The following PRKG1 variants were observed in gnomAD, a reference collection of about 807,000 sequenced individuals.
The protein encoded by PRKG1 is cGMP-dependent protein kinase 1.
PRKG1 carries 35 observed loss-of-function variants against 88.1 expected under a neutral mutation model. The observed-to-expected ratio is 0.40, with a 90% CI of 0.30 to 0.53. The LOEUF is 0.53. Among genes scored for constraint, PRKG1 ranks in the 20% least tolerant of loss-of-function variants. The pLI is 0.59. For missense variants in PRKG1, 540 were observed against 839.8 expected (o/e 0.64, Z 4.41); for synonymous variants, 303 against 292.5 (o/e 1.04, Z -0.37).
chr10:51,109,397 T>A (rs1162263283), intron 1 of PRKG1, among the ~76,000 whole-genome samples: 1 of 151,948 alleles, frequency 6.6e-6, no homozygotes, highest in African/African-American at 2.4e-5. Flanking sequence ...TGGAACAAAA[T>A]AGAGAGTCCA....
chr10:52,124,596 C>A (rs1395646941), intron 7 of PRKG1, among the ~76,000 whole-genome samples: 1 of 152,066 alleles, frequency 6.6e-6, no homozygotes, highest in Non-Finnish European at 1.5e-5. Context: ...AAACACTGGA[C>A]ACTTAGTCTA....
At chr10:51,845,186 C>T (rs759751990) in intron 4 of PRKG1, among the ~76,000 whole-genome samples, 25 of 152,204 alleles carry the variant, frequency 1.6e-4, no homozygotes, top group African/African-American at 2.2e-4. Flanking sequence ...CCCAAGATAA[C>T]GTATGCTTTC....
intron 3 of PRKG1, among the ~76,000 whole-genome samples, chr10:51,561,619 G>A (rs530011657): frequency 6.6e-6 from 1 of 151,922 alleles, no homozygotes; most frequent in Admixed American, 6.6e-5. Flanking sequence ...ATCGATACAG[G>A]TTTAAAGGAG....
At chr10:51,520,445 G>A (rs1472179127) in intron 3 of PRKG1, among the ~76,000 whole-genome samples, 1 of 151,676 alleles carries the variant, frequency 6.6e-6, no homozygotes. Flanking sequence ...ATCAACATGG[G>A]AGAAACAATC....
intron 3 of PRKG1, chr10:51,699,686 T>A: frequency 2.1e-6 from 2 of 964,756 alleles, no homozygotes; most frequent in Non-Finnish European, 3.1e-6. Flanking sequence ...ATCGTTCCGC[T>A]TGCCTGTGGA....
At chr10:51,869,484 G>A (rs562139889) in intron 4 of PRKG1, among the ~76,000 whole-genome samples, 2 of 152,104 alleles carry the variant, frequency 1.3e-5, no homozygotes, top group Non-Finnish European at 2.9e-5. Context: ...AAAATGGAAA[G>A]TACCAAAATC....
rs534599157 is a variant in PRKG1, at chr10:51,527,803, G to A, written c.592+59967G>A. On this transcript the variant is annotated intron_variant, in intron 3 of 17. Transcript: ENST00000373980. Reference sequence around the variant, plus strand: ...TCTCTAAGAAGAGTTATTTCTGTTTGAAAGAGGTCTTTAAGCTTGTATTTC... The same window carrying A: ...TCTCTAAGAAGAGTTATTTCTGTTTAAAAGAGGTCTTTAAGCTTGTATTTC... Among the ~76,000 whole-genome samples, 19 of 152,286 alleles carry A rather than the reference G, an allele frequency of 1.2e-4. No homozygotes were observed. The South Asian group carries it at 3.5e-3, about 28-fold the overall frequency.
At chr10:51,953,510 G>A (rs1428291713) in intron 5 of PRKG1, among the ~76,000 whole-genome samples, 2 of 152,150 alleles carry the variant, frequency 1.3e-5, no homozygotes, top group Non-Finnish European at 2.9e-5. Flanking sequence ...CTCCAAGGCT[G>A]TTAATTGAGT....
rs571478912 is a variant in PRKG1, at chr10:51,454,785, C to T, written c.479-12938C>T. Among the ~76,000 whole-genome samples the T allele has an allele frequency of 3.3e-5, 5 of 152,302 alleles. No individual in the cohort carries two copies. The East Asian group carries it at 9.7e-4, about 29-fold the overall frequency. ...AAAATCACCACCATGATTCAGTTATCTCCCACTGGGTCCCTCACATAACAT... is the reference window on the plus strand; with the variant it reads ...AAAATCACCACCATGATTCAGTTATTTCCCACTGGGTCCCTCACATAACAT... On this transcript the variant is annotated intron_variant, in intron 2 of 17. Coordinates refer to ENST00000373980, the MANE Select transcript of PRKG1 (RefSeq NM_006258.4).
chr10:52,284,505 G>T (rs145877156), intron 14 of PRKG1, among the ~76,000 whole-genome samples: 8 of 150,444 alleles, frequency 5.3e-5, no homozygotes, highest in African/African-American at 1.7e-4. Flanking sequence ...GGGTGGGGGT[G>T]GGAGAAGGCA....
intron 3 of PRKG1, among the ~76,000 whole-genome samples, chr10:51,546,152 T>C (rs528149246): frequency 9.2e-5 from 14 of 152,244 alleles, no homozygotes; most frequent in African/African-American, 3.1e-4. Context: ...TAAAGTATAA[T>C]TATGCTTATG....
intron 7 of PRKG1, among the ~76,000 whole-genome samples, chr10:52,089,377 A>T (rs1846994605): frequency 6.6e-6 from 1 of 152,206 alleles, no homozygotes; most frequent in Non-Finnish European, 1.5e-5. Context: ...GGCCATTCTC[A>T]GCAACAAATT....
rs148154856 is a variant in PRKG1 at position 51,571,759 on chromosome 10, G to A, written c.592+103923G>A. Among the ~76,000 whole-genome samples, 446 of 151,994 alleles carry A rather than the reference G, an allele frequency of 2.9e-3. 1 individual carries two copies. Among genetic ancestry groups the A allele is most frequent in the Non-Finnish European group, 5.3e-3 (360 of 67,876 alleles). Reference sequence around the variant, plus strand: ...ACAAAGATTATAGTTCATAATGGGGGAGGATTTCTTACTTTCTGTTTGGCA... The same window carrying A: ...ACAAAGATTATAGTTCATAATGGGGAAGGATTTCTTACTTTCTGTTTGGCA... On this transcript the variant is annotated intron_variant, in intron 3 of 17. Transcript: ENST00000373980.
chr10:51,331,325 C>T (rs1300129175), intron 2 of PRKG1, among the ~76,000 whole-genome samples: 1 of 152,072 alleles, frequency 6.6e-6, no homozygotes, highest in Non-Finnish European at 1.5e-5. Context: ...GTGGTGCAAG[C>T]TGGAGACTGG....
At chr10:51,139,703 T>C (rs1205269045) in intron 1 of PRKG1, among the ~76,000 whole-genome samples, 8 of 152,218 alleles carry the variant, frequency 5.3e-5, no homozygotes, top group Non-Finnish European at 2.9e-5. Context: ...CTCACTTCTA[T>C]TCCTCTCTGC....
intron 7 of PRKG1, among the ~76,000 whole-genome samples, chr10:52,126,568 A>C (rs1388555144): frequency 4.0e-5 from 6 of 151,784 alleles, no homozygotes; most frequent in Non-Finnish European, 8.8e-5. Context: ...CTGGTCTCAG[A>C]CTCTTGGGCT....
chr10:51,451,206 T>A (rs1839429205), intron 2 of PRKG1, among the ~76,000 whole-genome samples: 1 of 151,884 alleles, frequency 6.6e-6, no homozygotes. Context: ...GTCTAATAAC[T>A]ACCATGAGTT....
At chr10:51,171,276 G>C (rs1904676) in intron 2 of PRKG1, among the ~76,000 whole-genome samples, 1 of 151,826 alleles carries the variant, frequency 6.6e-6, no homozygotes, top group Non-Finnish European at 1.5e-5. Context: ...AGTAATAATC[G>C]TGTGCTTATT....
Position 51,284,912 on chromosome 10 carries a change from T to C in PRKG1, c.478+131582T>C, listed in dbSNP as rs376330623. Among the ~76,000 whole-genome samples the C allele has an allele frequency of 1.6e-4, 23 of 147,072 alleles. No individual in the cohort carries two copies. In the East Asian group the frequency reaches 3.8e-3, roughly 24 times the overall value. On this transcript the variant is annotated intron_variant, in intron 2 of 17. Coordinates refer to ENST00000373980, the MANE Select transcript of PRKG1 (RefSeq NM_006258.4). Reference sequence around the variant, plus strand: ...TAAGCTATTCTTTTTTTTTTTATTATACTTTAAGTTTTAGGGTACATGTGC... The same window carrying C: ...TAAGCTATTCTTTTTTTTTTTATTACACTTTAAGTTTTAGGGTACATGTGC...
Sources: gnomAD v4.1 joint callset for allele counts (sites outside exome capture counted in the v4.1 genomes callset) on GRCh38, gnomAD v4.1.1 for gene constraint, MANE v1.5 for transcripts, NCBI Gene and HGNC (gene_info 2026-07-23, HGNC 2026-07-21) for gene names.